Variants in DGAT1 observed in about 807,000 individuals in gnomAD.
DGAT1 encodes diacylglycerol O-acyltransferase 1.
DGAT1 carries 60 observed loss-of-function variants against 72.6 expected under a neutral mutation model. The ratio of observed to expected loss-of-function variants is 0.83; its 90% CI spans 0.67 to 1.02. The LOEUF (loss-of-function observed/expected upper bound fraction) is 1.02. Among genes scored for constraint, DGAT1 ranks in the 50% least tolerant of loss-of-function variants. The pLI, the probability that DGAT1 is intolerant of heterozygous loss-of-function variation, is 0.00. For missense variants in DGAT1, 592 were observed against 670.0 expected, an observed-to-expected ratio of 0.88 and a Z score of 1.29; for synonymous variants, 290 against 267.5, an observed-to-expected ratio of 1.08 and a Z score of -0.82.
In DGAT1 at chr8:144,315,114, G is replaced by C; in HGVS notation, c.*1440C>G. The C allele has an allele frequency of 3.0e-6, 3 of 985,540 alleles. No homozygotes were observed. Among genetic ancestry groups the C allele is most frequent in the Non-Finnish European group, 3.6e-6 (3 of 829,970 alleles). 61.0% of individuals were successfully genotyped at this position (985,540 alleles called of 1,614,324 possible). On this transcript the variant is annotated 3_prime_UTR_variant, in exon 17 of 17. Coordinates refer to ENST00000528718, the MANE Select transcript of DGAT1 (RefSeq NM_012079.6). ...CTCCACTCAGCCTGGTGGAGGAAGGGAAGGGGGCCTGCGCTGGGCAGTGGA... is the reference window on the plus strand; with the variant it reads ...CTCCACTCAGCCTGGTGGAGGAAGGCAAGGGGGCCTGCGCTGGGCAGTGGA...
At chr8:144,324,676 C>A (rs1436347216) in intron 1 of DGAT1, among the ~76,000 whole-genome samples, 1 of 152,176 alleles carries the variant, frequency 6.6e-6, no homozygotes, top group Non-Finnish European at 1.5e-5. Context: ...GAAAGCCTTG[C>A]TGGTTTGCAA....
rs1817202994 is a variant in DGAT1, at chr8:144,316,046, C to T, written c.*508G>A. 1 of 541,300 alleles carries T rather than the reference C, an allele frequency of 1.8e-6. No individual in the cohort carries two copies. Among genetic ancestry groups the T allele is most frequent in the Non-Finnish European group, 2.4e-6 (1 of 421,928 alleles). The allele number at this position is 541,300 out of a possible 1,614,324, so 33.5% of individuals were successfully genotyped here. A position where few individuals can be genotyped will look rare whatever the true frequency, so the allele number is the denominator to read the frequency against. ...CTGAGGGCCAGAGTGCCGATTCCCG[C>T]ACACCCAGCAGGAGTAGCACCAGGA... On this transcript the variant is annotated 3_prime_UTR_variant, in exon 17 of 17. Coordinates refer to ENST00000528718, the MANE Select transcript of DGAT1 (RefSeq NM_012079.6).
At position 144,326,449 on chromosome 8, in the gene DGAT1, T is replaced by G. The variant is rs1038824413; in HGVS notation, c.188A>C (p.His63Pro). 7 of 1,367,370 alleles carry G rather than the reference T, an allele frequency of 5.1e-6. No individual in the cohort carries two copies. Among genetic ancestry groups the G allele is most frequent in the African/African-American group, 4.6e-5 (3 of 65,656 alleles). 84.7% of individuals were successfully genotyped at this position (1,367,370 alleles called of 1,614,324 possible). A position where few individuals can be genotyped will look rare whatever the true frequency, so the allele number is the denominator to read the frequency against. ...GGCGCTCCGCTACCTCAGCTCCCAG[T>G]GGCCGCTGCCCACGCCGGCGTCTCC... ...KDGDAGVGSGHWELRCHRLQD... is the reference protein window; with the variant it reads ...KDGDAGVGSGPWELRCHRLQD... The change falls in exon 1 of 17, where the codon CAC becomes CCC. Residue 63 changes from histidine (H) to proline (P), a missense_variant. Transcript: ENST00000528718.
In DGAT1 at chr8:144,317,443, G is replaced by A. The variant is rs200470486; in HGVS notation, c.984C>T (p.Val328=). 3.9e-5 allele frequency: 63 copies of A among 1,613,878 alleles called. No homozygotes were observed. In the East Asian group the frequency reaches 1.4e-3, roughly 36 times the overall value. ...RIIERLLKLA[V]PNHLIWLIFF... is the part of the protein sequence containing the mutation. ...AGATGAGCCAGATGAGGTGATTGGGGACCTGGCAGGGAGGTGGGGGTGGGC... is the reference window on the plus strand; with the variant it reads ...AGATGAGCCAGATGAGGTGATTGGGAACCTGGCAGGGAGGTGGGGGTGGGC... The change falls in exon 13 of 17, where the codon GTC becomes GTT. Residue 328 remains valine (V), a splice_region_variant and synonymous_variant. Transcript: ENST00000528718.
Position 144,317,177 on chromosome 8 carries a change from C to T in DGAT1, c.1160+10G>A, listed in dbSNP as rs782441457. On this transcript the variant is annotated intron_variant, in intron 14 of 16. Transcript: ENST00000528718. ...ATGTTCCACATCACACACACACACA[C>T]CCCACCTACCTGATGCACCACTTGT... is the stretch of plus-strand genomic sequence containing the variant. The T allele has an allele frequency of 6.2e-7, 1 of 1,607,972 alleles. No individual in the cohort carries two copies.
rs1030958626 is a variant in DGAT1, at chr8:144,316,318, T to G, written c.*236A>C. 1.7e-6 allele frequency: 1 copy of G among 575,812 alleles called. No homozygotes were observed. The highest frequency in any genetic ancestry group is 3.0e-6 in the Non-Finnish European group (1 of 332,898). The allele number at this position is 575,812 out of a possible 1,614,324, so 35.7% of individuals were successfully genotyped here. On this transcript the variant is annotated 3_prime_UTR_variant, in exon 17 of 17. Transcript: ENST00000528718. ...ACTGGACAGCACTTTATTGACACCC[T>G]CGGACCCGGGGCAGGGTCAGCAAGA...
chr8:144,324,756 C>CACACTAAAAAAA (rs1199498190), intron 1 of DGAT1, among the ~76,000 whole-genome samples: 1 of 152,134 alleles, frequency 6.6e-6, no homozygotes, highest in East Asian at 1.9e-4. Flanking sequence ...GGACTACCCT[C>CACACTAAAAAAA]ATCTCACACT....
rs1322587735 is a variant in DGAT1, at chr8:144,316,501, G to A, written c.*53C>T. The A allele has an allele frequency of 1.3e-6, 2 of 1,524,940 alleles. No individual in the cohort carries two copies. Among genetic ancestry groups the A allele is most frequent in the Non-Finnish European group, 1.8e-6 (2 of 1,133,130 alleles). 94.5% of individuals were successfully genotyped at this position (1,524,940 alleles called of 1,614,324 possible). On this transcript the variant is annotated 3_prime_UTR_variant, in exon 17 of 17. Transcript: ENST00000528718. ...ACTCGAGGCCTAGGAGGAGAGGTGG[G>A]CTCTGGCAGCGGGTGTGAGGTGGCA...
rs1554847389 is a variant in DGAT1, at chr8:144,317,772, T to G, written c.894+12A>C. 6.2e-7 allele frequency: 1 copy of G among 1,613,242 alleles called. No homozygotes were observed. The highest frequency in any genetic ancestry group is 1.7e-5 in the Admixed American group (1 of 59,938). ...TGCCCAGCTACACCCAACCCTGCCCTACCCCACTTACCTGCTGGATCAGCC... is the reference window on the plus strand; with the variant it reads ...TGCCCAGCTACACCCAACCCTGCCCGACCCCACTTACCTGCTGGATCAGCC... On this transcript the variant is annotated intron_variant, in intron 10 of 16. Transcript: ENST00000528718.
At chr8:144,320,243 G>A (rs1257689884) in intron 2 of DGAT1, among the ~76,000 whole-genome samples, 1 of 152,224 alleles carries the variant, frequency 6.6e-6, no homozygotes, top group Non-Finnish European at 1.5e-5. Flanking sequence ...TGGGCCAAAG[G>A]GCCAGGCAGG....
chr8:144,326,360 G>C (rs1281480655), intron 1 of DGAT1, 77 bp downstream of exon 1: 126 of 1,281,340 alleles, frequency 9.8e-5, no homozygotes, highest in Middle Eastern at 2.9e-4. Context: ...TCTCGGACTC[G>C]GAGCTCGCGC....
intron 2 of DGAT1, among the ~76,000 whole-genome samples, chr8:144,320,483 A>G (rs1588684788): frequency 6.6e-6 from 1 of 152,274 alleles, no homozygotes; most frequent in East Asian, 1.9e-4. Context: ...AGCCCCTTCC[A>G]CGTGGGTAGC....
chr8:144,315,550 G>A lies in DGAT1; in HGVS notation c.*1004C>T. On this transcript the variant is annotated 3_prime_UTR_variant, in exon 17 of 17. Coordinates refer to ENST00000528718, the MANE Select transcript of DGAT1 (RefSeq NM_012079.6). Reference sequence around the variant, plus strand: ...TCAAGCAGTCACCCCAGCAAGGTAAGGCAGCAGCAGGGCCCTGGGGTTACC... The same window carrying A: ...TCAAGCAGTCACCCCAGCAAGGTAAAGCAGCAGCAGGGCCCTGGGGTTACC... 1 of 985,552 alleles carries A rather than the reference G, an allele frequency of 1.0e-6. No individual in the cohort carries two copies. Among genetic ancestry groups the A allele is most frequent in the South Asian group, 4.7e-5 (1 of 21,292 alleles). 61.1% of individuals were successfully genotyped at this position (985,552 alleles called of 1,614,324 possible). A position where few individuals can be genotyped will look rare whatever the true frequency, so the allele number is the denominator to read the frequency against.
Position 144,317,909 on chromosome 8 carries a change from C to G in DGAT1, c.855+5G>C, listed in dbSNP as rs1036959933. On this transcript the variant is annotated splice_donor_5th_base_variant and intron_variant, in intron 9 of 16. Coordinates refer to ENST00000528718, the MANE Select transcript of DGAT1 (RefSeq NM_012079.6). The stretch of plus-strand genomic sequence containing the variant: ...CCAGTGGCTGCCCCCAGCCCCCAAC[C>G]TCACCATCTCAAGGATCCGTCGCAG... 1 of 1,526,772 alleles carries G rather than the reference C, an allele frequency of 6.5e-7. No individual in the cohort carries two copies. Among genetic ancestry groups the G allele is most frequent in the Admixed American group, 2.2e-5 (1 of 45,820 alleles). The allele number at this position is 1,526,772 out of a possible 1,614,324, so 94.6% of individuals were successfully genotyped here. A position where few individuals can be genotyped will look rare whatever the true frequency, so the allele number is the denominator to read the frequency against.
At chr8:144,316,942 A>G (rs1040694143) in intron 15 of DGAT1, 27 bp from the exon 16 acceptor site, 5 of 1,612,584 alleles carry the variant, frequency 3.1e-6, no homozygotes, top group Non-Finnish European at 1.7e-6. Flanking sequence ...AGAGGATGCC[A>G]GGGAGTGGGG....
rs782501227 is a variant in DGAT1, at chr8:144,318,006, A to G, written c.763T>C (p.Phe255Leu). The G allele has an allele frequency of 4.1e-5, 63 of 1,518,658 alleles. No homozygotes were observed. Among genetic ancestry groups the G allele is most frequent in the Non-Finnish European group, 5.2e-5 (59 of 1,135,588 alleles). The allele number at this position is 1,518,658 out of a possible 1,614,324, so 94.1% of individuals were successfully genotyped here. ...TAGCACAAGGTGGGGGCGAAGAGGA[A>G]GTAGTAGAGATCTGGAATGGGAATG... ...DNLTYRDLYY[F>L]LFAPTLCYEL... Residue 255 changes from phenylalanine (F) to leucine (L), a missense_variant, in exon 9 of 17, where the codon TTC becomes CTC. Physicochemically the swap from Phe to Leu is conservative, Grantham distance 22. Transcript: ENST00000528718.
rs1588680950 is a variant in DGAT1, at chr8:144,317,458, T to G, written c.982-13A>C. On this transcript the variant is annotated splice_polypyrimidine_tract_variant and intron_variant, in intron 12 of 16. Transcript: ENST00000528718. ...GGTGATTGGGGACCTGGCAGGGAGG[T>G]GGGGGTGGGCACCAAGTTCTAGAAC... 1 of 1,612,950 alleles carries G rather than the reference T, an allele frequency of 6.2e-7. No homozygotes were observed. Among genetic ancestry groups the G allele is most frequent in the Non-Finnish European group, 8.5e-7 (1 of 1,179,708 alleles).
Position 144,315,852 on chromosome 8 carries a change from A to G in DGAT1, c.*702T>C, listed in dbSNP as rs145568026. Reference sequence around the variant, plus strand: ...TGCCCCAAGGCGAATAGCCATGGACATAGCCATTGTGTACCGTAGCCCCTC... The same window carrying G: ...TGCCCCAAGGCGAATAGCCATGGACGTAGCCATTGTGTACCGTAGCCCCTC... On this transcript the variant is annotated 3_prime_UTR_variant, in exon 17 of 17. Coordinates refer to ENST00000528718, the MANE Select transcript of DGAT1 (RefSeq NM_012079.6). 8,590 of 985,390 alleles carry G rather than the reference A, an allele frequency of 8.7e-3. 37 individuals are homozygous for G. Among genetic ancestry groups the G allele is most frequent in the Non-Finnish European group, 9.7e-3 (8,042 of 829,860 alleles). 61.0% of individuals were successfully genotyped at this position (985,390 alleles called of 1,614,324 possible). A position where few individuals can be genotyped will look rare whatever the true frequency, so the allele number is the denominator to read the frequency against.
At chr8:144,318,666 T>G (rs782031269) in intron 5 of DGAT1, 33 bp downstream of exon 5, 8 of 1,607,574 alleles carry the variant, frequency 5.0e-6, no homozygotes, top group South Asian at 1.1e-5. Flanking sequence ...CACAGCAGGG[T>G]GAGCACACAC....
Sources: allele counts gnomAD v4.1 joint callset (sites outside exome capture counted in the v4.1 genomes callset), GRCh38; gene constraint gnomAD v4.1.1; transcripts MANE v1.5; gene names NCBI Gene and HGNC (gene_info 2026-07-23, HGNC 2026-07-21).